PARD3B: variants seen among roughly 807,000 people sequenced by gnomAD.
PARD3B encodes partitioning defective 3 homolog B.
Under a neutral mutation model 130.2 loss-of-function variants are expected in PARD3B, and 103 were observed. The observed-to-expected ratio is 0.79, with a 90% confidence interval of 0.67 to 0.93. The LOEUF (loss-of-function observed/expected upper bound fraction) is 0.93. Ranked by LOEUF, PARD3B falls within the 40% of genes least tolerant of loss-of-function variation. The probability of loss-of-function intolerance (pLI) is 0.00; values close to 1 mark genes in which losing one functional copy is unlikely to be tolerated. For synonymous variants in PARD3B, 583 were observed against 553.2 expected (o/e 1.05, Z -0.76); for missense variants, 1,609 against 1,499.2 (o/e 1.07, Z -1.21).
At chr2:205,391,065 G>A (rs557897880) in intron 18 of PARD3B, among the ~76,000 whole-genome samples, 1 of 152,190 alleles carries the variant, frequency 6.6e-6, no homozygotes, top group Non-Finnish European at 1.5e-5. Flanking sequence ...ATGAATCTGT[G>A]GCCAGTGTGG....
At chr2:205,221,825 A>C (rs1043436307) in intron 15 of PARD3B, among the ~76,000 whole-genome samples, 1 of 152,038 alleles carries the variant, frequency 6.6e-6, no homozygotes, top group Non-Finnish European at 1.5e-5. Context: ...TCTTGGTAAA[A>C]GTTTCCAGGT....
chr2:204,826,008 G>C (rs1284104212), intron 2 of PARD3B, among the ~76,000 whole-genome samples: 1 of 152,142 alleles, frequency 6.6e-6, no homozygotes, highest in Non-Finnish European at 1.5e-5. Context: ...CACTGCACGG[G>C]AGTCTCCAAA....
chr2:204,965,099 C>A, intron 2 of PARD3B, 53 bp from the exon 3 acceptor site: 1 of 1,552,174 alleles, frequency 6.4e-7, no homozygotes, highest in Non-Finnish European at 8.8e-7. Context: ...AGATAGTGTC[C>A]GTGTGGTATG....
chr2:205,494,712 A>G (rs1443312200), intron 20 of PARD3B, among the ~76,000 whole-genome samples: 3 of 152,178 alleles, frequency 2.0e-5, no homozygotes, highest in Middle Eastern at 3.2e-3. Context: ...ATGCCTGTGA[A>G]CCGCAGCCAC....
rs150268812 is a variant in PARD3B at position 205,172,130 on chromosome 2, A to G, written c.1621-81A>G. On this transcript the variant is annotated intron_variant, in intron 11 of 22. Transcript: ENST00000406610. Reference sequence around the variant, plus strand: ...CTTTTTTTCTTTTTTTCATTTTTAAACTTGAACTTTTCCCCAAAACGCCAC... The same window carrying G: ...CTTTTTTTCTTTTTTTCATTTTTAAGCTTGAACTTTTCCCCAAAACGCCAC... 68 of 1,393,348 alleles carry G rather than the reference A, an allele frequency of 4.9e-5. No homozygotes were observed. The East Asian group carries it at 1.4e-3, about 28-fold the overall frequency. The allele number at this position is 1,393,348 out of a possible 1,614,324, so 86.3% of individuals were successfully genotyped here.
rs545886521 is a variant in PARD3B, at chr2:205,350,528, T to C, written c.2630+48827T>C. ...ATAACTCTCCCCGCCATTCTCAAAGTACTATTTTTGTGTCAGATTCTCCTC... is the reference window on the plus strand; with the variant it reads ...ATAACTCTCCCCGCCATTCTCAAAGCACTATTTTTGTGTCAGATTCTCCTC... On this transcript the variant is annotated intron_variant, in intron 18 of 22. Transcript: ENST00000406610. Among the ~76,000 whole-genome samples, 221 of 152,370 alleles carry C rather than the reference T, an allele frequency of 1.5e-3. 1 individual carries two copies. The highest frequency in any genetic ancestry group is 5.0e-3 in the African/African-American group (208 of 41,586).
intron 2 of PARD3B, among the ~76,000 whole-genome samples, chr2:204,902,652 G>C (rs944342429): frequency 2.3e-4 from 27 of 116,662 alleles, no homozygotes; most frequent in South Asian, 5.7e-4. Context: ...CTGGGCGACA[G>C]AGCAAGACTC....
chr2:205,073,823 A>G (rs1700883875), intron 4 of PARD3B, among the ~76,000 whole-genome samples: 1 of 152,150 alleles, frequency 6.6e-6, no homozygotes, highest in Admixed American at 6.5e-5. Flanking sequence ...AAAACCTGAA[A>G]CATTTCCAAA....
At chr2:204,643,697 C>T (rs1157131486) in intron 1 of PARD3B, among the ~76,000 whole-genome samples, 1 of 152,072 alleles carries the variant, frequency 6.6e-6, no homozygotes, top group African/African-American at 2.4e-5. Flanking sequence ...GACAATTCTT[C>T]TTCTTCCAGT....
intron 2 of PARD3B, among the ~76,000 whole-genome samples, chr2:204,777,516 C>A (rs2041670633): frequency 6.6e-6 from 1 of 152,294 alleles, no homozygotes; most frequent in East Asian, 1.9e-4. Context: ...TGCCTGTAAT[C>A]CCAGTACTTT....
intron 20 of PARD3B, among the ~76,000 whole-genome samples, chr2:205,484,378 C>T (rs145139699): frequency 0.017 from 2,649 of 152,280 alleles, 26 homozygotes; most frequent in Middle Eastern, 0.027. Flanking sequence ...CCAGTCCTGC[C>T]TGCCTTTTGG....
chr2:204,922,942 T>A (rs1426790222), intron 2 of PARD3B, among the ~76,000 whole-genome samples: 1 of 152,128 alleles, frequency 6.6e-6, no homozygotes, highest in East Asian at 1.9e-4. Context: ...ATGAGATCAG[T>A]GTTCCAAAAC....
chr2:205,137,949 C>A (rs1486584422), intron 10 of PARD3B, among the ~76,000 whole-genome samples: 1 of 152,224 alleles, frequency 6.6e-6, no homozygotes. Context: ...CAGACAAGAT[C>A]CCAGGGATGG....
intron 15 of PARD3B, among the ~76,000 whole-genome samples, chr2:205,239,951 G>T (rs913295497): frequency 1.1e-4 from 16 of 151,768 alleles, no homozygotes; most frequent in African/African-American, 3.4e-4. Flanking sequence ...TGTGGGTGTG[G>T]GTGTGTGTTT....
intron 16 of PARD3B, among the ~76,000 whole-genome samples, chr2:205,262,487 A>T (rs922765187): frequency 6.6e-6 from 1 of 152,224 alleles, no homozygotes; most frequent in South Asian, 2.1e-4. Context: ...CATCTCCCAG[A>T]TTATACATCT....
At chr2:204,676,994 C>G (rs564490785) in intron 1 of PARD3B, among the ~76,000 whole-genome samples, 1 of 152,204 alleles carries the variant, frequency 6.6e-6, no homozygotes, top group East Asian at 1.9e-4. Context: ...AAGGATCTTT[C>G]TTACGCTGAG....
At chr2:205,165,249 A>G (rs1434609498) in intron 11 of PARD3B, among the ~76,000 whole-genome samples, 2 of 152,194 alleles carry the variant, frequency 1.3e-5, no homozygotes, top group East Asian at 1.9e-4. Context: ...AGGAAAGAAA[A>G]AAGTGTAAAA....
chr2:205,461,922 G>A lies in PARD3B; in HGVS notation c.3044+21250G>A, dbSNP rs907229755. ...GAGAAATGCTCAGGCAGGGCTTAAA[G>A]GAAGAAATACTAAAATCAAAAGTAG... On this transcript the variant is annotated intron_variant, in intron 20 of 22. Coordinates refer to ENST00000406610, the MANE Select transcript of PARD3B (RefSeq NM_001302769.2). This position sits in a 1 kb window ranked among gnomAD's most constrained non-coding sequence, Gnocchi z 4.3. 1.3e-5 allele frequency among the ~76,000 whole-genome samples: 2 copies of A among 152,158 alleles called. No individual in the cohort carries two copies. The highest frequency in any genetic ancestry group is 6.5e-5 in the Admixed American group (1 of 15,274).
intron 1 of PARD3B, among the ~76,000 whole-genome samples, chr2:204,650,713 C>A (rs11893764): frequency 0.74 from 113,183 of 152,024 alleles, 42,851 homozygotes; most frequent in South Asian, 0.81. Flanking sequence ...CTGTATCAGT[C>A]CATTTTCACA....
Sources: gnomAD v4.1 joint callset for allele counts (sites outside exome capture counted in the v4.1 genomes callset) on GRCh38, gnomAD v4.1.1 for gene constraint, Gnocchi (gnomAD v3.1) non-coding constraint, MANE v1.5 for transcripts, NCBI Gene and HGNC (gene_info 2026-07-23, HGNC 2026-07-21) for gene names.